The following MEGF6 variants were observed in gnomAD, a reference collection of about 807,000 sequenced individuals.
MEGF6 encodes the protein multiple EGF like domains 6.
In MEGF6, 184 loss-of-function variants were observed where a neutral mutation model predicts 207.1. The observed-to-expected ratio is 0.89, with a 90% CI of 0.79 to 1.00. MEGF6 has a LOEUF of 1.00. Ranked by LOEUF, MEGF6 falls within the 50% of genes least tolerant of loss-of-function variation. The probability of loss-of-function intolerance (pLI) is 0.00; values close to 1 mark genes in which losing one functional copy is unlikely to be tolerated. For synonymous variants in MEGF6, 1,038 were observed against 910.0 expected (o/e 1.14, Z -2.53); for missense variants, 2,282 against 2,202.9 (o/e 1.04, Z -0.72).
At chr1:3,561,264 A>G (rs1277975351) in intron 4 of MEGF6, among the ~76,000 whole-genome samples, 5 of 152,132 alleles carry the variant, frequency 3.3e-5, no homozygotes, top group Non-Finnish European at 7.3e-5. Context: ...GCTACGGGGC[A>G]CTCAGAGCTT....
chr1:3,578,131 C>T (rs12406782), intron 4 of MEGF6, among the ~76,000 whole-genome samples: 12,035 of 152,178 alleles, frequency 0.079, 748 homozygotes, highest in East Asian at 0.3. Context: ...CAGGAAAGGC[C>T]ACCCCGCAAG....
chr1:3,561,500 G>T (rs1229765813), intron 4 of MEGF6, among the ~76,000 whole-genome samples: 2 of 152,218 alleles, frequency 1.3e-5, no homozygotes. Context: ...ATCACTGCTG[G>T]TGGAGAGACC....
At chr1:3,518,795 G>A (rs1339250112) in intron 5 of MEGF6, among the ~76,000 whole-genome samples, 1 of 152,206 alleles carries the variant, frequency 6.6e-6, no homozygotes, top group Non-Finnish European at 1.5e-5. Flanking sequence ...CCACAGCCCT[G>A]CCTTCTAGGA....
At chr1:3,548,702 T>A (rs1418528297) in intron 4 of MEGF6, among the ~76,000 whole-genome samples, 1 of 152,150 alleles carries the variant, frequency 6.6e-6, no homozygotes. Context: ...GGACGCCAGA[T>A]GAGCTTCCAC....
chr1:3,585,405 TGTGA>T lies in MEGF6; in HGVS notation c.377-5480_377-5477del, dbSNP rs138346708. 5.3e-3 allele frequency among the ~76,000 whole-genome samples: 739 copies of T among 139,972 alleles called. 26 individuals are homozygous for T. The highest frequency in any genetic ancestry group is 0.02 in the African/African-American group (694 of 35,200). The allele number at this position is 139,972 out of a possible 152,430, so 91.8% of individuals were successfully genotyped here. On this transcript the variant is annotated intron_variant, in intron 3 of 36. Coordinates refer to ENST00000356575, the MANE Select transcript of MEGF6 (RefSeq NM_001409.4). ...TCTGGACGCATGTCCTGTGTGTGGG[TGTGA>T]GTGACACATGTCCTGTGTGTGGGTG...
intron 4 of MEGF6, among the ~76,000 whole-genome samples, chr1:3,576,211 T>A (rs909019026): frequency 6.6e-6 from 1 of 152,228 alleles, no homozygotes; most frequent in Non-Finnish European, 1.5e-5. Context: ...CAGGCCCGCT[T>A]TGTGCTCCCA....
chr1:3,502,050 C>CCGCCTCCTCACATGGGCTCCT (rs1640912825), intron 17 of MEGF6, 129 bp from the exon 18 acceptor site: 1 of 37,066 alleles, frequency 2.7e-5, no homozygotes, highest in African/African-American at 2.7e-4. Flanking sequence ...TGTGCCCCCC[C>CCGCCTCCTCACATGGGCTCCT]GGCGCCTCCT....
chr1:3,564,860 C>T (rs1240216463), intron 4 of MEGF6, among the ~76,000 whole-genome samples: 1 of 152,144 alleles, frequency 6.6e-6, no homozygotes, highest in Non-Finnish European at 1.5e-5. Flanking sequence ...CCTGTGAGGC[C>T]CCGCCATCCC....
At chr1:3,513,751 G>A (rs542783509) in intron 7 of MEGF6, among the ~76,000 whole-genome samples, 8 of 150,556 alleles carry the variant, frequency 5.3e-5, no homozygotes, top group African/African-American at 1.2e-4. Flanking sequence ...CACCACACCT[G>A]GCTAATTAAA....
rs1054493710 is a variant in MEGF6, at chr1:3,511,914, G to T, written c.976+92C>A. On this transcript the variant is annotated intron_variant, in intron 8 of 36. Transcript: ENST00000356575. ...AGGGCTGCCCCTGATTGACAAGGAA[G>T]CCCTGCCCTTCAGCCAAAGCAGGCC... The T allele has an allele frequency of 3.0e-5, 48 of 1,577,082 alleles. No individual in the cohort carries two copies. In the East Asian group the frequency reaches 4.8e-4, roughly 16 times the overall value.
chr1:3,541,053 G>GGGGTGGGGCCAGGCGCA, intron 4 of MEGF6, among the ~76,000 whole-genome samples: 1 of 152,316 alleles, frequency 6.6e-6, no homozygotes, highest in South Asian at 2.1e-4. Flanking sequence ...GTGTCAGGGC[G>GGGGTGGGGCCAGGCGCA]GGGTGGGGCC....
intron 1 of MEGF6, among the ~76,000 whole-genome samples, chr1:3,602,872 C>CA (rs1268692320): frequency 6.6e-6 from 1 of 152,216 alleles, no homozygotes; most frequent in East Asian, 1.9e-4. Flanking sequence ...GACCTTGCAA[C>CA]ACAGCCACCA....
Position 3,586,330 on chromosome 1 carries a change from C to T in MEGF6, c.377-6401G>A, listed in dbSNP as rs148753084. Reference sequence around the variant, plus strand: ...TGTGGCGTGTGGCCTTGTGCACGCTCGAGTGAGCATGTATGGGCATGATCG... The same window carrying T: ...TGTGGCGTGTGGCCTTGTGCACGCTTGAGTGAGCATGTATGGGCATGATCG... On this transcript the variant is annotated intron_variant, in intron 3 of 36. Transcript: ENST00000356575. Among the ~76,000 whole-genome samples the T allele has an allele frequency of 2.8e-3, 423 of 152,314 alleles. 1 individual carries two copies. The highest frequency in any genetic ancestry group is 9.3e-3 in the African/African-American group (387 of 41,546).
At chr1:3,529,902 G>A (rs1642091189) in intron 4 of MEGF6, among the ~76,000 whole-genome samples, 1 of 152,232 alleles carries the variant, frequency 6.6e-6, no homozygotes, top group African/African-American at 2.4e-5. Flanking sequence ...CTCCGCTCAG[G>A]GCAGTTATCA....
chr1:3,601,872 C>T (rs1364517557), intron 2 of MEGF6, among the ~76,000 whole-genome samples: 1 of 152,250 alleles, frequency 6.6e-6, no homozygotes, highest in Non-Finnish European at 1.5e-5. Context: ...AGATCCCAGG[C>T]TGAGAAGCTA....
rs758958212 is a variant in MEGF6 at position 3,579,880 on chromosome 1, G to T, written c.426C>A (p.Gly142=). The change falls in exon 4 of 37, where the codon GGC becomes GGA. Residue 142 remains glycine, a synonymous_variant. Coordinates refer to ENST00000356575, the MANE Select transcript of MEGF6 (RefSeq NM_001409.4). ...GGGGACAGTGACACGGCTGGGCTGA[G>T]CCTGGCACACAACGGCCACCGTGAA... ...LCFHGGRCVP[G]SAQPCHCPPG... 17 of 1,541,756 alleles carry T rather than the reference G, an allele frequency of 1.1e-5. No individual in the cohort carries two copies. Among genetic ancestry groups the T allele is most frequent in the Non-Finnish European group, 1.5e-5 (17 of 1,151,774 alleles).
chr1:3,512,278 C>T (rs1641381114), intron 7 of MEGF6, 150 bp from the exon 8 acceptor site: 4 of 1,050,360 alleles, frequency 3.8e-6, no homozygotes, highest in Non-Finnish European at 5.4e-6. Context: ...TCCCTGACGG[C>T]CACTAGTCAC....
the MEGF6 span, among the ~76,000 whole-genome samples, chr1:3,620,467 A>G: frequency 6.6e-6 from 1 of 152,240 alleles, no homozygotes; most frequent in Admixed American, 6.5e-5. Flanking sequence ...AGGTGTGCAG[A>G]AGACAAGAGG....
intron 4 of MEGF6, among the ~76,000 whole-genome samples, chr1:3,571,382 C>T (rs76969333): frequency 1.8e-3 from 274 of 152,244 alleles, no homozygotes; most frequent in African/African-American, 6.3e-3. Context: ...AGGAAAACAC[C>T]GAGACCAAGG....
Sources: gnomAD v4.1 joint callset for allele counts (sites outside exome capture counted in the v4.1 genomes callset) on GRCh38, gnomAD v4.1.1 for gene constraint, MANE v1.5 for transcripts, NCBI Gene and HGNC (gene_info 2026-07-23, HGNC 2026-07-21) for gene names.